Variants in HYAL4 observed in about 807,000 individuals in gnomAD.
HYAL4 encodes the protein hyaluronidase 4, also known as hyaluronidase-4.
A neutral mutation model predicts 35.2 loss-of-function variants in HYAL4; 37 were observed. The ratio of observed to expected loss-of-function variants is 1.05; its 90% CI spans 0.81 to 1.38. HYAL4 has a LOEUF of 1.38. HYAL4 is among the 40% of genes most tolerant of loss of function. The pLI, the probability that HYAL4 is intolerant of heterozygous loss-of-function variation, is 0.00. For synonymous variants in HYAL4, 198 were observed against 203.2 expected (o/e 0.97, Z 0.22); for missense variants, 572 against 572.4 (o/e 1.00, Z 0.01).
the HYAL4 span, among the ~76,000 whole-genome samples, chr7:123,777,874 A>G: frequency 2.0e-5 from 3 of 151,844 alleles, no homozygotes; most frequent in Non-Finnish European, 4.4e-5. Context: ...TTATACTTCT[A>G]AAATGAGAAA....
At chr7:123,795,989 A>G in the HYAL4 span, among the ~76,000 whole-genome samples, 1 of 152,216 alleles carries the variant, frequency 6.6e-6, no homozygotes, top group African/African-American at 2.4e-5. Flanking sequence ...GCTTCGTTTA[A>G]GAGTATAGGG....
chr7:123,829,084 A>C (rs960193246), exon 1 of HYAL4: 34 of 152,630 alleles, frequency 2.2e-4, no homozygotes, highest in Non-Finnish European at 5.9e-5. Context: ...TTCGAAAAAC[A>C]CCTGAGTCCT....
upstream of HYAL4, among the ~76,000 whole-genome samples, chr7:123,825,878 TG>T (rs1172667498): frequency 2.0e-5 from 3 of 152,134 alleles, no homozygotes; most frequent in Admixed American, 1.3e-4. Context: ...TTCATGAGAT[TG>T]CTTTCTAAAA....
At chr7:123,869,723 TG>T in intron 3 of HYAL4, among the ~76,000 whole-genome samples, 1 of 152,124 alleles carries the variant, frequency 6.6e-6, no homozygotes, top group East Asian at 1.9e-4. Flanking sequence ...TTTTTGTTCT[TG>T]TCACCTAGGC....
chr7:123,800,118 G>A, the HYAL4 span, among the ~76,000 whole-genome samples: 2 of 151,598 alleles, frequency 1.3e-5, no homozygotes. Flanking sequence ...AGCCGAGATC[G>A]CGCCACTGTA....
the HYAL4 span, among the ~76,000 whole-genome samples, chr7:123,770,783 CA>C: frequency 1.3e-3 from 187 of 143,754 alleles, no homozygotes; most frequent in Middle Eastern, 3.6e-3. Flanking sequence ...AGTAATTTAT[CA>C]AAAAAAAAAG....
the HYAL4 span, among the ~76,000 whole-genome samples, chr7:123,791,939 C>T: frequency 6.6e-6 from 1 of 152,146 alleles, no homozygotes; most frequent in East Asian, 1.9e-4. Flanking sequence ...ACAATTCTCC[C>T]AATGTTTGCA....
At chr7:123,836,641 C>CTT (rs71163705) in intron 1 of HYAL4, among the ~76,000 whole-genome samples, 5,119 of 150,182 alleles carry the variant, frequency 0.034, 112 homozygotes, top group Admixed American at 0.046. Flanking sequence ...GCCTGTATAT[C>CTT]TTTTTTTTTT....
At chr7:123,771,175 TATC>T in the HYAL4 span, among the ~76,000 whole-genome samples, 3 of 152,214 alleles carry the variant, frequency 2.0e-5, no homozygotes, top group African/African-American at 4.8e-5. Flanking sequence ...CCTGATATAA[TATC>T]ATGGATAGTT....
At chr7:123,816,098 A>T in the HYAL4 span, among the ~76,000 whole-genome samples, 1 of 150,808 alleles carries the variant, frequency 6.6e-6, no homozygotes, top group Non-Finnish European at 1.5e-5. Context: ...CCTTTCTTAT[A>T]CTTTAACACT....
the HYAL4 span, among the ~76,000 whole-genome samples, chr7:123,819,900 T>C: frequency 2.5e-4 from 38 of 151,164 alleles, no homozygotes; most frequent in African/African-American, 8.9e-4. Context: ...TTTTTCTTTT[T>C]TTTTTTTTTG....
At chr7:123,871,456 C>T (rs1029317078) in intron 3 of HYAL4, among the ~76,000 whole-genome samples, 7 of 151,986 alleles carry the variant, frequency 4.6e-5, no homozygotes, top group African/African-American at 9.7e-5. Context: ...CCTCCCAAAG[C>T]GCTGGGATTT....
chr7:123,840,379 G>C (rs1806034633), upstream of HYAL4, among the ~76,000 whole-genome samples: 1 of 152,088 alleles, frequency 6.6e-6, no homozygotes, highest in African/African-American at 2.4e-5. Context: ...ATGCTGTTTT[G>C]GTTACTGTAG....
In HYAL4 at chr7:123,868,993, CGAA is replaced by C; in HGVS notation, c.722_724del (p.Glu241del). ...ACTACTCTGGGTCATGCCCAGAAGA[CGAA>C]GTCTTGAGGAACAATGAGCTCTCTT... On this transcript the variant is annotated inframe_deletion, in exon 3 of 5. Transcript: ENST00000223026. 1 of 1,613,810 alleles carries C rather than the reference CGAA, an allele frequency of 6.2e-7. No individual in the cohort carries two copies. Among genetic ancestry groups the C allele is most frequent in the Non-Finnish European group, 8.5e-7 (1 of 1,179,812 alleles).
the HYAL4 span, among the ~76,000 whole-genome samples, chr7:123,804,218 G>A: frequency 6.6e-5 from 10 of 152,258 alleles, no homozygotes; most frequent in African/African-American, 2.4e-4. Context: ...CGAAGTATAT[G>A]GTGAGTGTGG....
chr7:123,872,834 A>G (rs1006095746), intron 3 of HYAL4, among the ~76,000 whole-genome samples: 1 of 152,196 alleles, frequency 6.6e-6, no homozygotes, highest in African/African-American at 2.4e-5. Flanking sequence ...TAATTTGGTG[A>G]GAAACTGATT....
At chr7:123,824,667 T>G (rs1459309280), upstream of HYAL4, among the ~76,000 whole-genome samples, 1 of 152,040 alleles carries the variant, frequency 6.6e-6, no homozygotes, top group African/African-American at 2.4e-5. Context: ...CTTTACTTCT[T>G]CCCCAGAAGT....
intron 4 of HYAL4, 64 bp from the exon 5 acceptor site, chr7:123,876,690 C>T (rs990469632): frequency 4.7e-5 from 71 of 1,511,766 alleles, no homozygotes; most frequent in African/African-American, 2.8e-4. Flanking sequence ...ACACTAAAAT[C>T]GATTTCTTTG....
At chr7:123,790,525 T>G in the HYAL4 span, 4 of 152,098 alleles carry the variant, frequency 2.6e-5, no homozygotes, top group South Asian at 2.1e-4. Context: ...CTCTTGAAAC[T>G]TAGTGCAAAG....
Sources: gnomAD v4.1 joint callset for allele counts (sites outside exome capture counted in the v4.1 genomes callset) on GRCh38, gnomAD v4.1.1 for gene constraint, MANE v1.5 for transcripts, NCBI Gene and HGNC (gene_info 2026-07-23, HGNC 2026-07-21) for gene names.